LTBP4: variants seen among roughly 807,000 people sequenced by gnomAD.
The protein encoded by LTBP4 is latent-transforming growth factor beta-binding protein 4.
LTBP4 carries 93 observed loss-of-function variants against 180.2 expected under a neutral mutation model. The observed-to-expected ratio is 0.52, with a 90% CI of 0.44 to 0.61. LTBP4 has a LOEUF of 0.61. Ranked by LOEUF, LTBP4 falls within the 20% of genes least tolerant of loss-of-function variation. LTBP4 has a pLI of 0.00. For synonymous variants in LTBP4, 947 were observed against 934.5 expected, an observed-to-expected ratio of 1.01 and a Z score of -0.24; for missense variants, 2,116 against 2,256.5, an observed-to-expected ratio of 0.94 and a Z score of 1.26.
In LTBP4 at chr19:40,611,287, A is replaced by G. The variant is rs1599866375; in HGVS notation, c.1946A>G (p.Gln649Arg). ...ACEEDVDECA[Q>R]EPPPCGPGRC... ...GAAGAGGATGTGGATGAGTGTGCCC[A>G]GGAGCCGCCGCCCTGTGGGCCCGGC... Residue 649 changes from glutamine to arginine, a missense_variant, in exon 13 of 30, where the codon CAG becomes CGG. Physicochemically the swap from Gln to Arg is conservative, Grantham distance 43. Transcript: ENST00000396819. The surrounding 1 kb of genome is among the most constrained non-coding windows in gnomAD (Gnocchi z 4.4). The G allele has an allele frequency of 1.9e-6, 3 of 1,611,540 alleles. No homozygotes were observed. Among genetic ancestry groups the G allele is most frequent in the Admixed American group, 1.7e-5 (1 of 59,660 alleles).
At chr19:40,620,726 C>T (rs955117946) in intron 22 of LTBP4, among the ~76,000 whole-genome samples, 26 of 143,374 alleles carry the variant, frequency 1.8e-4, no homozygotes, top group Non-Finnish European at 1.0e-4. Flanking sequence ...TGGGATTGCA[C>T]CACTGCACTC....
At chr19:40,607,764 A>C (rs2146024322) in intron 7 of LTBP4, among the ~76,000 whole-genome samples, 1 of 152,198 alleles carries the variant, frequency 6.6e-6, no homozygotes, top group African/African-American at 2.4e-5. Flanking sequence ...GGAGCTCCCA[A>C]GTTAGTTTTT....
chr19:40,593,800 T>C (rs1204303326), intron 1 of LTBP4, among the ~76,000 whole-genome samples: 4 of 152,012 alleles, frequency 2.6e-5, no homozygotes, highest in African/African-American at 9.7e-5. Context: ...ATTTTCTTTA[T>C]TTCTTTTTTT....
Position 40,616,983 on chromosome 19 carries a change from C to T in LTBP4, c.2907C>T (p.Asp969=), listed in dbSNP as rs996364177. 3 of 1,613,852 alleles carry T rather than the reference C, an allele frequency of 1.9e-6. No individual in the cohort carries two copies. Among genetic ancestry groups the T allele is most frequent in the African/African-American group, 2.7e-5 (2 of 74,938 alleles). Residue 969 remains aspartate (D), a synonymous_variant, in exon 20 of 30, where the codon GAC becomes GAT. Transcript: ENST00000396819. ...CCTACCGCTGCACACCAGCCTGTGA[C>T]CCTGGCTATCAGCCCACGCCAGGGG... The part of the protein sequence containing the change: ...PGSYRCTPAC[D]PGYQPTPGGG...
chr19:40,599,652 T>G, upstream of LTBP4: 4 of 1,156,972 alleles, frequency 3.5e-6, no homozygotes, highest in Non-Finnish European at 4.9e-6. Flanking sequence ...TCCCTCTCTC[T>G]CCCCCCTCCC....
Position 40,609,613 on chromosome 19 carries a change from G to C in LTBP4, c.1510G>C (p.Ala504Pro), listed in dbSNP as rs555276300. 2.5e-6 allele frequency: 4 copies of C among 1,613,324 alleles called. No individual in the cohort carries two copies. In the South Asian group the frequency reaches 4.4e-5, roughly 18 times the overall value. ...TTCCCGGCCCAGCGGCTACACCTGC[G>C]CTTGCGACTCTGGCTTCCGGCTCAG... is the stretch of plus-strand genomic sequence containing the variant. ...CISRPSGYTC[A>P]CDSGFRLSPQ... The change falls in exon 10 of 30, where the codon GCT (alanine) becomes CCT (proline). Residue 504 changes from alanine (A) to proline (P), a missense_variant. By Grantham distance (27) the Ala-to-Pro change is conservative. Around this residue, in one of 5 missense-constraint regions of LTBP4, gnomAD observed 877 missense variants for 873.6 expected, o/e 1.00. Transcript: ENST00000396819. This position sits in a 1 kb window ranked among gnomAD's most constrained non-coding sequence, Gnocchi z 4.9.
In LTBP4 at chr19:40,629,656, T is replaced by C. The variant is rs2081664558; in HGVS notation, c.*106T>C. The C allele has an allele frequency of 2.6e-6, 3 of 1,170,556 alleles. No homozygotes were observed. Among genetic ancestry groups the C allele is most frequent in the Non-Finnish European group, 2.2e-6 (2 of 915,824 alleles). 72.5% of individuals were successfully genotyped at this position (1,170,556 alleles called of 1,614,324 possible). On this transcript the variant is annotated 3_prime_UTR_variant, in exon 30 of 30. Coordinates refer to ENST00000396819, the MANE Select transcript of LTBP4 (RefSeq NM_001042545.2). The surrounding 1 kb of genome is among the most constrained non-coding windows in gnomAD (Gnocchi z 4.5). ...GTGCACGGGGCCGCCCGCCTGGACC[T>C]GGAGAAGGGACCTACGGACGCCTGG...
upstream of LTBP4, chr19:40,601,271 A>T: frequency 1.3e-6 from 1 of 798,700 alleles, no homozygotes; most frequent in Non-Finnish European, 1.5e-6. Context: ...GGGAGTGGTG[A>T]GGAGGGGGGG....
At chr19:40,600,987 G>A (rs1191911805), upstream of LTBP4, among the ~76,000 whole-genome samples, 4 of 152,122 alleles carry the variant, frequency 2.6e-5, no homozygotes, top group African/African-American at 9.7e-5. This position sits in a 1 kb window ranked among gnomAD's most constrained non-coding sequence, Gnocchi z 4.4. Flanking sequence ...TCTGTGCCCC[G>A]GGCAGAAGAG....
In LTBP4 at chr19:40,613,206, A is replaced by C. The variant is rs2081520387; in HGVS notation, c.2431+10A>C. 2 of 1,560,740 alleles carry C rather than the reference A, an allele frequency of 1.3e-6. No individual in the cohort carries two copies. Among genetic ancestry groups the C allele is most frequent in the South Asian group, 2.3e-5 (2 of 85,240 alleles). ...CCCGGGCCCTGCGCAGGTGAGCAGC[A>C]TAGGGACCCGCCAGAGAGTCTGGGA... On this transcript the variant is annotated intron_variant, in intron 16 of 29. Coordinates refer to ENST00000396819, the MANE Select transcript of LTBP4 (RefSeq NM_001042545.2). The surrounding 1 kb of genome is among the most constrained non-coding windows in gnomAD (Gnocchi z 5.0).
Position 40,622,714 on chromosome 19 carries a change from A to G in LTBP4, c.3484+47A>G. On this transcript the variant is annotated intron_variant, in intron 23 of 29. Coordinates refer to ENST00000396819, the MANE Select transcript of LTBP4 (RefSeq NM_001042545.2). This position sits in a 1 kb window ranked among gnomAD's most constrained non-coding sequence, Gnocchi z 5.1. ...CACAGGGCTGAGGGCTTGGGTGGAA[A>G]TACTGGGTGGGGTGTGGGCCTGGGA... The G allele has an allele frequency of 6.4e-7, 1 of 1,550,988 alleles. No individual in the cohort carries two copies. Among genetic ancestry groups the G allele is most frequent in the Non-Finnish European group, 8.7e-7 (1 of 1,148,982 alleles).
At chr19:40,599,561 G>A, upstream of LTBP4, 2 of 1,605,882 alleles carry the variant, frequency 1.2e-6, no homozygotes, top group Non-Finnish European at 1.7e-6. Flanking sequence ...ACTGACGTGA[G>A]TGGGCAGTCC....
intron 1 of LTBP4, among the ~76,000 whole-genome samples, chr19:40,593,445 T>C (rs772822162): frequency 5.9e-5 from 9 of 152,274 alleles, no homozygotes; most frequent in Non-Finnish European, 8.8e-5. Context: ...TGTCTCACTA[T>C]GTTGCCCAGG....
chr19:40,599,443 C>T, upstream of LTBP4: 1 of 1,613,922 alleles, frequency 6.2e-7, no homozygotes, highest in Non-Finnish European at 8.5e-7. Context: ...TCCGAAGCTG[C>T]CAGCCCAAAA....
At position 40,605,879 on chromosome 19, in the gene LTBP4, C is replaced by T; in HGVS notation, c.793+48C>T. On this transcript the variant is annotated intron_variant, in intron 4 of 29. Transcript: ENST00000396819. This position sits in a 1 kb window ranked among gnomAD's most constrained non-coding sequence, Gnocchi z 5.5. ...AGTGCTCGGAGCTGGGGAGTGGTGA[C>T]AACCTCACCGTTCCTCCTACTCTGC... 2.0e-6 allele frequency: 3 copies of T among 1,510,126 alleles called. No individual in the cohort carries two copies. Among genetic ancestry groups the T allele is most frequent in the Non-Finnish European group, 2.7e-6 (3 of 1,126,452 alleles). The allele number at this position is 1,510,126 out of a possible 1,614,324, so 93.5% of individuals were successfully genotyped here.
rs200607327 is a variant in LTBP4 at position 40,627,100 on chromosome 19, G to A, written c.4111G>A (p.Gly1371Arg). 725 of 1,613,902 alleles carry A rather than the reference G, an allele frequency of 4.5e-4. 2 individuals are homozygous for A. Among genetic ancestry groups the A allele is most frequent in the Middle Eastern group, 1.6e-3 (10 of 6,062 alleles). ...TCCACCTTACCAGGGCCTCCCATATGGGCCTGAGTTGTACCCACCACCTGC... is the reference window on the plus strand; with the variant it reads ...TCCACCTTACCAGGGCCTCCCATATAGGCCTGAGTTGTACCCACCACCTGC... ...LGPPYQGLPY[G>R]PELYPPPALP... The change falls in exon 28 of 30, where the codon GGG (glycine) becomes AGG (arginine). Residue 1371 changes from glycine (G) to arginine (R), a missense_variant. Gly to Arg is a moderately radical substitution (Grantham distance 125). This residue lies in a region of LTBP4 where 488 missense variants were observed against 458.8 expected (regional missense o/e 1.06). Coordinates refer to ENST00000396819, the MANE Select transcript of LTBP4 (RefSeq NM_001042545.2).
chr19:40,605,309 C>A lies in LTBP4; in HGVS notation c.442+83C>A. 1.9e-6 allele frequency: 3 copies of A among 1,567,962 alleles called. No individual in the cohort carries two copies. The highest frequency in any genetic ancestry group is 4.6e-5 in the East Asian group (2 of 43,088). On this transcript the variant is annotated intron_variant, in intron 2 of 29. Coordinates refer to ENST00000396819, the MANE Select transcript of LTBP4 (RefSeq NM_001042545.2). The surrounding 1 kb of genome is among the most constrained non-coding windows in gnomAD (Gnocchi z 5.5). ...CTGACCCTCATATTTCCCGCCTTCC[C>A]GAGCACCTTTGCCCAGCTCGCCCTC...
At position 40,613,171 on chromosome 19, in the gene LTBP4, G is replaced by A. The variant is rs541032706; in HGVS notation, c.2406G>A (p.Pro802=). The A allele has an allele frequency of 3.2e-6, 5 of 1,575,294 alleles. No individual in the cohort carries two copies. In the South Asian group the frequency reaches 3.5e-5, roughly 11 times the overall value. ...RCSCAPGYRA[P]SGRPGPCADV... ...GCTGCGCGCCAGGCTACCGGGCGCCGTCGGGTCGGCCCGGGCCCTGCGCAG... is the reference window on the plus strand; with the variant it reads ...GCTGCGCGCCAGGCTACCGGGCGCCATCGGGTCGGCCCGGGCCCTGCGCAG... Residue 802 remains proline, a synonymous_variant, in exon 16 of 30, where the codon CCG becomes CCA. Transcript: ENST00000396819. This position sits in a 1 kb window ranked among gnomAD's most constrained non-coding sequence, Gnocchi z 5.0.
intron 29 of LTBP4, 57 bp downstream of exon 29, chr19:40,627,914 G>A: frequency 2.0e-6 from 3 of 1,518,682 alleles, no homozygotes; most frequent in Non-Finnish European, 2.6e-6. Flanking sequence ...GTCCAGGGAG[G>A]GTGGAAGCCC....
Sources: allele counts gnomAD v4.1 joint callset (sites outside exome capture counted in the v4.1 genomes callset), GRCh38; gene constraint gnomAD v4.1.1; regional missense constraint gnomAD v4.1.1; non-coding constraint Gnocchi (gnomAD v3.1); transcripts MANE v1.5; gene names NCBI Gene and HGNC (gene_info 2026-07-23, HGNC 2026-07-21).